XPR1: variants seen among roughly 807,000 people sequenced by gnomAD.
XPR1 encodes the protein solute carrier family 53 member 1.
A neutral mutation model predicts 87.5 loss-of-function variants in XPR1; 28 were observed. That is an observed-to-expected ratio of 0.32 (90% CI 0.24 to 0.44). The LOEUF is 0.44. XPR1 is among the 20% of genes least tolerant of loss of function. The pLI, the probability that XPR1 is intolerant of heterozygous loss-of-function variation, is 1.00. For synonymous variants in XPR1, 300 were observed against 306.1 expected (o/e 0.98, Z 0.21); for missense variants, 559 against 862.3 (o/e 0.65, Z 4.41).
intron 11 of XPR1, among the ~76,000 whole-genome samples, chr1:180,856,148 C>T (rs1652021013): frequency 6.6e-6 from 1 of 152,120 alleles, no homozygotes; most frequent in African/African-American, 2.4e-5. Flanking sequence ...TTCTTACTGT[C>T]TCCATTCCTA....
In XPR1 at chr1:180,853,721, A is replaced by G. The variant is rs959925222; in HGVS notation, c.1502-9987A>G. ...AGAACATTTCCTGCTTTTGCATGGT[A>G]TTGCTAGCTGCTAACTGAGAGCTTT... is the stretch of plus-strand genomic sequence containing the variant. On this transcript the variant is annotated intron_variant, in intron 11 of 14. Coordinates refer to ENST00000367590, the MANE Select transcript of XPR1 (RefSeq NM_004736.4). Among the ~76,000 whole-genome samples the G allele has an allele frequency of 2.1e-5, 3 of 145,420 alleles. No individual in the cohort carries two copies. The Admixed American group carries it at 2.1e-4, about 10-fold the overall frequency.
At chr1:180,795,492 G>A (rs1282708710) in intron 3 of XPR1, among the ~76,000 whole-genome samples, 5 of 152,126 alleles carry the variant, frequency 3.3e-5, no homozygotes, top group Non-Finnish European at 5.9e-5. Context: ...TGGCAAAATA[G>A]TCTGTTTTCA....
chr1:180,784,053 T>TC (rs1192155534), intron 2 of XPR1, among the ~76,000 whole-genome samples: 18 of 151,846 alleles, frequency 1.2e-4, no homozygotes, highest in African/African-American at 4.4e-4. Flanking sequence ...AGACTCTGTC[T>TC]TAAAAAAAAA....
intron 7 of XPR1, among the ~76,000 whole-genome samples, chr1:180,823,276 T>C (rs895908044): frequency 6.6e-6 from 1 of 151,864 alleles, no homozygotes. Context: ...GTAATTAAAT[T>C]CCAAATGAGC....
chr1:180,697,446 TTTTG>T (rs1657207760), intron 2 of XPR1, among the ~76,000 whole-genome samples: 1 of 152,074 alleles, frequency 6.6e-6, no homozygotes, highest in Non-Finnish European at 1.5e-5. Context: ...TAGTCTCTAT[TTTTG>T]TTTATTTCTG....
chr1:180,875,495 C>G (rs1037479699), intron 13 of XPR1, among the ~76,000 whole-genome samples: 1 of 115,088 alleles, frequency 8.7e-6, no homozygotes, highest in Admixed American at 1.1e-4. Context: ...GGTGACAGAG[C>G]AAGACTCCGT....
intron 2 of XPR1, among the ~76,000 whole-genome samples, chr1:180,715,708 C>CT (rs1442459112): frequency 1.3e-5 from 2 of 151,350 alleles, no homozygotes; most frequent in Admixed American, 6.6e-5. Context: ...TAGAGTTTCA[C>CT]TCTTGTTGCC....
intron 1 of XPR1, among the ~76,000 whole-genome samples, chr1:180,657,545 T>C (rs1375178069): frequency 6.6e-6 from 1 of 152,154 alleles, no homozygotes; most frequent in African/African-American, 2.4e-5. Context: ...ACTGAAGAGA[T>C]TGTCCTTTCT....
intron 1 of XPR1, among the ~76,000 whole-genome samples, chr1:180,645,127 A>G (rs1571672016): frequency 6.6e-6 from 1 of 152,350 alleles, no homozygotes; most frequent in East Asian, 1.9e-4. Flanking sequence ...TCTCAGACAC[A>G]CTTTTAAGTC....
intron 2 of XPR1, among the ~76,000 whole-genome samples, chr1:180,710,210 T>C (rs1657715176): frequency 6.6e-6 from 1 of 151,898 alleles, no homozygotes; most frequent in African/African-American, 2.4e-5. Flanking sequence ...TTAGTTTTTT[T>C]TTTTTTTTTA....
At chr1:180,879,319 C>A (rs1358902228) in intron 13 of XPR1, among the ~76,000 whole-genome samples, 1 of 152,204 alleles carries the variant, frequency 6.6e-6, no homozygotes, top group African/African-American at 2.4e-5. Flanking sequence ...TTCAGCAGGA[C>A]CTTTTTCAAA....
intron 7 of XPR1, among the ~76,000 whole-genome samples, chr1:180,813,047 C>CT (rs970701371): frequency 1.4e-5 from 2 of 145,876 alleles, no homozygotes; most frequent in African/African-American, 2.5e-5. Context: ...TTTTCCCCCC[C>CT]CCCAATGGAA....
chr1:180,636,379 G>A (rs1394897917), intron 1 of XPR1, among the ~76,000 whole-genome samples: 5 of 152,178 alleles, frequency 3.3e-5, no homozygotes, highest in East Asian at 1.9e-4. Context: ...AAATGATTGC[G>A]TCAATGAGAT....
At chr1:180,767,993 C>T (rs567866196) in intron 2 of XPR1, among the ~76,000 whole-genome samples, 189 of 152,144 alleles carry the variant, frequency 1.2e-3, no homozygotes, top group African/African-American at 4.4e-3. Context: ...TACAGGCGCC[C>T]GCCACCATTC....
intron 2 of XPR1, among the ~76,000 whole-genome samples, chr1:180,685,654 C>G (rs974477289): frequency 6.6e-6 from 1 of 152,160 alleles, no homozygotes; most frequent in African/African-American, 2.4e-5. Flanking sequence ...ATTATTGCCT[C>G]AATTTCAGAG....
intron 6 of XPR1, among the ~76,000 whole-genome samples, chr1:180,807,356 T>C (rs1175337834): frequency 2.6e-5 from 4 of 152,168 alleles, no homozygotes; most frequent in Non-Finnish European, 4.4e-5. Context: ...ACAAATGAGT[T>C]TAGCAAGGTT....
intron 2 of XPR1, among the ~76,000 whole-genome samples, chr1:180,710,984 G>T (rs1184487788): frequency 2.0e-5 from 3 of 151,690 alleles, no homozygotes; most frequent in African/African-American, 7.3e-5. Flanking sequence ...CGGGGTGGCT[G>T]CCGGGCGGAG....
At chr1:180,873,662 A>T in intron 12 of XPR1, 141 bp from the exon 13 acceptor site, 1 of 941,694 alleles carries the variant, frequency 1.1e-6, no homozygotes, top group Non-Finnish European at 1.5e-6. Context: ...TTCCCTGCAA[A>T]ATAAAGTACA....
chr1:180,654,783 A>T (rs770649208), intron 1 of XPR1, among the ~76,000 whole-genome samples: 2 of 152,168 alleles, frequency 1.3e-5, no homozygotes, highest in African/African-American at 2.4e-5. Flanking sequence ...TACTATATGA[A>T]TATAATTGAA....
Sources: allele counts gnomAD v4.1 joint callset (sites outside exome capture counted in the v4.1 genomes callset), GRCh38; gene constraint gnomAD v4.1.1; transcripts MANE v1.5; gene names NCBI Gene and HGNC (gene_info 2026-07-23, HGNC 2026-07-21).